SFT2D1: variants seen among roughly 807,000 people sequenced by gnomAD.
The protein encoded by SFT2D1 is vesicle transport protein SFT2A.
A neutral mutation model predicts 28.1 loss-of-function variants in SFT2D1; 24 were observed. The observed-to-expected ratio is 0.85, with a 90% CI of 0.62 to 1.20. The LOEUF (loss-of-function observed/expected upper bound fraction) is 1.20, where lower values mean the gene tolerates loss of function less well. SFT2D1 is among the 50% of genes most tolerant of loss of function. The pLI is 0.00. For missense variants in SFT2D1, 181 were observed against 190.9 expected (o/e 0.95, Z 0.31); for synonymous variants, 82 against 73.7 (o/e 1.11, Z -0.58).
chr6:166,335,888 T>C (rs183699350), intron 1 of SFT2D1, among the ~76,000 whole-genome samples: 263 of 152,360 alleles, frequency 1.7e-3, no homozygotes, highest in Non-Finnish European at 2.7e-3. Context: ...AAAGAAGATA[T>C]GTTTTAGACA....
In SFT2D1 at chr6:166,327,499, C is replaced by T. The variant is rs116895500; in HGVS notation, c.315+777G>A. Reference sequence around the variant, plus strand: ...GAAGGCACCTTTAAAGATACTGTTACGGGAGCCATATTGTTAGAATTTGTC... The same window carrying T: ...GAAGGCACCTTTAAAGATACTGTTATGGGAGCCATATTGTTAGAATTTGTC... On this transcript the variant is annotated intron_variant, in intron 4 of 7. Transcript: ENST00000361731. Among the ~76,000 whole-genome samples the T allele has an allele frequency of 5.6e-3, 856 of 152,216 alleles. 5 individuals carry two copies. The highest frequency in any genetic ancestry group is 0.01 in the Middle Eastern group (3 of 294).
chr6:166,337,513 G>A (rs1424096970), intron 1 of SFT2D1, among the ~76,000 whole-genome samples: 1 of 151,988 alleles, frequency 6.6e-6, no homozygotes, highest in Non-Finnish European at 1.5e-5. Flanking sequence ...CCTGCTTGGG[G>A]TCTCCTCTGC....
rs750500888 is a variant in SFT2D1 at position 166,342,399 on chromosome 6, C to G, written c.63+20G>C. 3.2e-6 allele frequency: 5 copies of G among 1,547,954 alleles called. No homozygotes were observed. Among genetic ancestry groups the G allele is most frequent in the Non-Finnish European group, 4.4e-6 (5 of 1,146,518 alleles). ...GCCAGCGGGCAGCCCCGGGACTGGA[C>G]GAGGGCGCAAGTTCGCTACCTGCGC... On this transcript the variant is annotated intron_variant, in intron 1 of 7. Transcript: ENST00000361731.
intron 1 of SFT2D1, among the ~76,000 whole-genome samples, chr6:166,337,713 A>G (rs1281364812): frequency 2.6e-5 from 4 of 152,200 alleles, no homozygotes; most frequent in African/African-American, 7.2e-5. Context: ...TCTTATTACC[A>G]TCTTCCACGC....
intron 1 of SFT2D1, among the ~76,000 whole-genome samples, chr6:166,332,678 T>C (rs1778572810): frequency 2.0e-5 from 3 of 152,228 alleles, no homozygotes; most frequent in Non-Finnish European, 4.4e-5. Context: ...TTGCCACCTC[T>C]TCCTCTCCCA....
At chr6:166,340,679 G>A (rs894570406) in intron 1 of SFT2D1, among the ~76,000 whole-genome samples, 1 of 151,914 alleles carries the variant, frequency 6.6e-6, no homozygotes, top group African/African-American at 2.4e-5. Context: ...TCCTCAACCT[G>A]CTCTGACTTT....
intron 1 of SFT2D1, among the ~76,000 whole-genome samples, chr6:166,340,624 T>C (rs780046914): frequency 3.3e-5 from 5 of 152,160 alleles, no homozygotes; most frequent in Non-Finnish European, 5.9e-5. Context: ...CTCACATGAC[T>C]CCCTGGCAGG....
At chr6:166,322,646 G>A (rs1032908073) in intron 7 of SFT2D1, among the ~76,000 whole-genome samples, 5 of 143,888 alleles carry the variant, frequency 3.5e-5, no homozygotes, top group African/African-American at 1.3e-4. Context: ...AGCCGAGATG[G>A]TGCCACTGCA....
intron 1 of SFT2D1, among the ~76,000 whole-genome samples, chr6:166,341,306 G>C (rs1380075868): frequency 6.6e-6 from 1 of 151,918 alleles, no homozygotes; most frequent in African/African-American, 2.4e-5. Context: ...ATAATTAGCA[G>C]GGCATGGTGG....
chr6:166,320,138 G>C lies in SFT2D1; in HGVS notation c.*79C>G, dbSNP rs1778322572. ...AACTGTCACGTCAGTTGTTCCTGGA[G>C]TGTTTTATGGGGAAAAGCAAACTTC... On this transcript the variant is annotated 3_prime_UTR_variant, in exon 8 of 8. Transcript: ENST00000361731. The C allele has an allele frequency of 1.5e-6, 2 of 1,344,938 alleles. No individual in the cohort carries two copies. The highest frequency in any genetic ancestry group is 2.9e-5 in the African/African-American group (2 of 69,164). 83.3% of individuals were successfully genotyped at this position (1,344,938 alleles called of 1,614,324 possible). A position where few individuals can be genotyped will look rare whatever the true frequency, so the allele number is the denominator to read the frequency against.
At chr6:166,330,313 A>G in intron 1 of SFT2D1, 66 bp from the exon 2 acceptor site, 3 of 1,044,230 alleles carry the variant, frequency 2.9e-6, no homozygotes, top group Non-Finnish European at 4.2e-6. Context: ...TCTTTATACT[A>G]AATTAAAGCA....
chr6:166,324,341 C>G, intron 6 of SFT2D1, 196 bp downstream of exon 6: 1 of 507,896 alleles, frequency 2.0e-6, no homozygotes, highest in Non-Finnish European at 3.6e-6. Flanking sequence ...GCACCCCATA[C>G]TTCTCCCGAA....
chr6:166,333,505 C>T (rs1778589159), intron 1 of SFT2D1, among the ~76,000 whole-genome samples: 1 of 152,238 alleles, frequency 6.6e-6, no homozygotes. Flanking sequence ...GTGCTGACTC[C>T]TTGGCCTCCT....
intron 1 of SFT2D1, among the ~76,000 whole-genome samples, chr6:166,331,790 A>G (rs1778556974): frequency 6.6e-6 from 1 of 152,254 alleles, no homozygotes; most frequent in African/African-American, 2.4e-5. Context: ...ATAAATGTAT[A>G]TAACTTTTAT....
rs192400173 is a variant in SFT2D1 at position 166,340,460 on chromosome 6, A to C, written c.63+1959T>G. 6.5e-4 allele frequency among the ~76,000 whole-genome samples: 99 copies of C among 152,200 alleles called. No individual in the cohort carries two copies. In the Middle Eastern group the frequency reaches 0.017, roughly 26 times the overall value. ...CTTCCTGCTTCACCTTTTCTTCTAC[A>C]ATTGTCCCTCTTCTCTGCCCCGCTG... On this transcript the variant is annotated intron_variant, in intron 1 of 7. Coordinates refer to ENST00000361731, the MANE Select transcript of SFT2D1 (RefSeq NM_145169.3).
chr6:166,327,551 A>G (rs984492248), intron 4 of SFT2D1, among the ~76,000 whole-genome samples: 2 of 152,198 alleles, frequency 1.3e-5, no homozygotes, highest in African/African-American at 4.8e-5. Context: ...AAGGGACAAA[A>G]GTCAGATGAC....
In SFT2D1 at chr6:166,339,961, T is replaced by C. The variant is rs550905804; in HGVS notation, c.63+2458A>G. Among the ~76,000 whole-genome samples the C allele has an allele frequency of 9.1e-4, 138 of 152,282 alleles. 2 individuals are homozygous for C. Among genetic ancestry groups the C allele is most frequent in the African/African-American group, 3.1e-3 (127 of 41,562 alleles). The stretch of plus-strand genomic sequence containing the variant: ...TGCTACCTGGATCTCAGACTTCACG[T>C]CCACACTGAAATGATTTTCCTCCCT... On this transcript the variant is annotated intron_variant, in intron 1 of 7. Transcript: ENST00000361731.
intron 7 of SFT2D1, 108 bp downstream of exon 7, chr6:166,322,749 A>G: frequency 1.3e-6 from 1 of 742,832 alleles, no homozygotes; most frequent in Non-Finnish European, 2.0e-6. Context: ...AAATCAACCA[A>G]AAAAAAAGGG....
intron 1 of SFT2D1, among the ~76,000 whole-genome samples, chr6:166,339,181 G>A (rs577220108): frequency 9.2e-5 from 14 of 152,144 alleles, no homozygotes; most frequent in African/African-American, 3.1e-4. Flanking sequence ...CTTCTCTGAT[G>A]ATCCTCTCAC....
Sources: allele counts gnomAD v4.1 joint callset (sites outside exome capture counted in the v4.1 genomes callset), GRCh38; gene constraint gnomAD v4.1.1; transcripts MANE v1.5; gene names NCBI Gene and HGNC (gene_info 2026-07-23, HGNC 2026-07-21).